SHC4: variants seen among roughly 807,000 people sequenced by gnomAD.
SHC4 encodes SHC adaptor protein 4.
Under a neutral mutation model 69.4 loss-of-function variants are expected in SHC4, and 41 were observed. The ratio of observed to expected loss-of-function variants is 0.59; its 90% CI spans 0.46 to 0.77. The LOEUF (loss-of-function observed/expected upper bound fraction) is 0.77, where lower values mean the gene tolerates loss of function less well. SHC4 is among the 30% of genes least tolerant of loss of function. The pLI is 0.00. For synonymous variants in SHC4, 318 were observed against 299.3 expected (o/e 1.06, Z -0.64); for missense variants, 777 against 783.8 (o/e 0.99, Z 0.10).
At chr15:48,871,753 A>G (rs1899682125) in intron 5 of SHC4, among the ~76,000 whole-genome samples, 1 of 152,210 alleles carries the variant, frequency 6.6e-6, no homozygotes, top group Non-Finnish European at 1.5e-5. Flanking sequence ...AGGATTGAGC[A>G]ACACATGTAT....
intron 1 of SHC4, among the ~76,000 whole-genome samples, chr15:48,931,059 A>AT (rs1900955874): frequency 6.6e-6 from 1 of 151,946 alleles, no homozygotes; most frequent in South Asian, 2.1e-4. Flanking sequence ...CAATCCCTTC[A>AT]TTTTCCTCTG....
intron 6 of SHC4, 132 bp from the exon 7 acceptor site, chr15:48,857,947 C>G (rs1045628498): frequency 1.7e-6 from 1 of 588,278 alleles, no homozygotes; most frequent in Non-Finnish European, 2.5e-6. Flanking sequence ...CTCTCTGCAG[C>G]CATGAAATGA....
chr15:48,855,810 T>C, intron 8 of SHC4, 143 bp downstream of exon 8: 2 of 813,608 alleles, frequency 2.5e-6, no homozygotes, highest in Non-Finnish European at 3.8e-6. Flanking sequence ...GTGTAGCCTC[T>C]GACAGTTATT....
chr15:48,919,500 G>T lies in SHC4; in HGVS notation c.656+5379C>A, dbSNP rs959323020. On this transcript the variant is annotated intron_variant, in intron 2 of 11. Coordinates refer to ENST00000332408, the MANE Select transcript of SHC4 (RefSeq NM_203349.4). ...GATGGGATTTCACTCTGTTGCTCAG[G>T]CTGGTCTCAAACTCCAAGACTCAAA... 3.3e-5 allele frequency among the ~76,000 whole-genome samples: 5 copies of T among 151,220 alleles called. No homozygotes were observed. In the South Asian group the frequency reaches 8.5e-4, roughly 26 times the overall value.
chr15:48,920,037 C>T (rs1311515099), intron 2 of SHC4, among the ~76,000 whole-genome samples: 7 of 145,172 alleles, frequency 4.8e-5, no homozygotes, highest in Non-Finnish European at 6.0e-5. Context: ...TTTTCTGAGA[C>T]GGAGTCTTGC....
intron 10 of SHC4, among the ~76,000 whole-genome samples, chr15:48,839,720 T>G (rs1437737437): frequency 1.3e-5 from 2 of 152,216 alleles, no homozygotes; most frequent in Non-Finnish European, 2.9e-5. Flanking sequence ...GGCAGACAAC[T>G]TGGCAGATAA....
At chr15:48,942,396 G>A (rs1901191684) in intron 1 of SHC4, among the ~76,000 whole-genome samples, 1 of 151,778 alleles carries the variant, frequency 6.6e-6, no homozygotes, top group Admixed American at 6.6e-5. Flanking sequence ...AAATAACGCT[G>A]TTATAACTTA....
At position 48,937,320 on chromosome 15, in the gene SHC4, C is replaced by T. The variant is rs573969143; in HGVS notation, c.586-12371G>A. Among the ~76,000 whole-genome samples, 23 of 152,218 alleles carry T rather than the reference C, an allele frequency of 1.5e-4. No individual in the cohort carries two copies. The South Asian group carries it at 4.6e-3, about 30-fold the overall frequency. Reference sequence around the variant, plus strand: ...CAAGTGAATTCTCTCACCTTGGCCTCCCAAAAACCTGGGATTACAGGTCTG... The same window carrying T: ...CAAGTGAATTCTCTCACCTTGGCCTTCCAAAAACCTGGGATTACAGGTCTG... On this transcript the variant is annotated intron_variant, in intron 1 of 11. Coordinates refer to ENST00000332408, the MANE Select transcript of SHC4 (RefSeq NM_203349.4).
intron 2 of SHC4, among the ~76,000 whole-genome samples, chr15:48,894,971 C>T (rs1478274608): frequency 2.6e-5 from 4 of 151,928 alleles, no homozygotes; most frequent in Non-Finnish European, 4.4e-5. Flanking sequence ...TTTTTCTTTT[C>T]CTTTTTTATT....
At chr15:48,907,554 C>T (rs1900427913) in intron 2 of SHC4, among the ~76,000 whole-genome samples, 1 of 151,964 alleles carries the variant, frequency 6.6e-6, no homozygotes, top group Non-Finnish European at 1.5e-5. Flanking sequence ...TTCTATCTCT[C>T]ATCCCCTCCC....
intron 11 of SHC4, among the ~76,000 whole-genome samples, chr15:48,833,603 T>C (rs1348204386): frequency 6.6e-6 from 1 of 152,192 alleles, no homozygotes; most frequent in African/African-American, 2.4e-5. Context: ...CCTGTGCTCT[T>C]CTTTGTTCTC....
chr15:48,921,338 T>A (rs1408391220), intron 2 of SHC4, among the ~76,000 whole-genome samples: 1 of 151,460 alleles, frequency 6.6e-6, no homozygotes, highest in Non-Finnish European at 1.5e-5. Context: ...ATCGTTTTTT[T>A]TTTTTTTTCC....
chr15:48,842,302 T>C (rs1335060514), intron 10 of SHC4, among the ~76,000 whole-genome samples: 1 of 152,172 alleles, frequency 6.6e-6, no homozygotes, highest in Non-Finnish European at 1.5e-5. Context: ...TTGAAATGAA[T>C]AAAATTAATG....
Position 48,884,235 on chromosome 15 carries a change from T to C in SHC4, c.840+13A>G. ...TAGATATGTTTATCTATAAATGACATTTGTGATCTTACCTGTTGGTTGTCA... is the reference window on the plus strand; with the variant it reads ...TAGATATGTTTATCTATAAATGACACTTGTGATCTTACCTGTTGGTTGTCA... On this transcript the variant is annotated intron_variant, in intron 4 of 11. Transcript: ENST00000332408. 6.3e-7 allele frequency: 1 copy of C among 1,586,402 alleles called. No homozygotes were observed.
chr15:48,867,911 T>G, intron 5 of SHC4, 42 bp from the exon 6 acceptor site: 1 of 1,504,436 alleles, frequency 6.6e-7, no homozygotes. Context: ...ATGGATGAAC[T>G]GTACTGTTGA....
chr15:48,889,037 G>A (rs565499735), intron 3 of SHC4, among the ~76,000 whole-genome samples: 1 of 152,284 alleles, frequency 6.6e-6, no homozygotes, highest in African/African-American at 2.4e-5. Context: ...GCTGTTGAAG[G>A]AAACTAGCTG....
At chr15:48,923,475 G>A (rs562485446) in intron 2 of SHC4, among the ~76,000 whole-genome samples, 5 of 147,924 alleles carry the variant, frequency 3.4e-5, no homozygotes, top group African/African-American at 1.3e-4. Context: ...GCTTGAACAT[G>A]TGAGGTGGAG....
chr15:48,861,925 A>G (rs1033367562), intron 6 of SHC4, among the ~76,000 whole-genome samples: 4 of 152,228 alleles, frequency 2.6e-5, no homozygotes, highest in Non-Finnish European at 5.9e-5. Flanking sequence ...GTTCTTAATA[A>G]ACAGTTTTTT....
chr15:48,951,868 T>C (rs998348647), intron 1 of SHC4, among the ~76,000 whole-genome samples: 26 of 152,210 alleles, frequency 1.7e-4, no homozygotes, highest in African/African-American at 6.3e-4. Flanking sequence ...ATTACAGTAA[T>C]GTGTGTGGAC....
Sources: allele counts gnomAD v4.1 joint callset (sites outside exome capture counted in the v4.1 genomes callset), GRCh38; gene constraint gnomAD v4.1.1; transcripts MANE v1.5; gene names NCBI Gene and HGNC (gene_info 2026-07-23, HGNC 2026-07-21).